ADGRA3: variants seen among roughly 807,000 people sequenced by gnomAD.
ADGRA3 encodes the protein G-protein coupled receptor 125.
ADGRA3 carries 56 observed loss-of-function variants against 119.8 expected under a neutral mutation model. The observed-to-expected ratio is 0.47, with a 90% CI of 0.38 to 0.58. ADGRA3 has a LOEUF of 0.58. Ranked by LOEUF, ADGRA3 falls within the 20% of genes least tolerant of loss-of-function variation. ADGRA3 has a pLI of 0.00. For missense variants in ADGRA3, 1,516 were observed against 1,649.0 expected, an observed-to-expected ratio of 0.92 and a Z score of 1.40; for synonymous variants, 607 against 623.8, an observed-to-expected ratio of 0.97 and a Z score of 0.40.
At position 22,420,941 on chromosome 4, in the gene ADGRA3, T is replaced by G. The variant is rs908940796; in HGVS notation, c.1754A>C (p.Lys585Thr). 4 of 1,614,150 alleles carry G rather than the reference T, an allele frequency of 2.5e-6. No homozygotes were observed. Among genetic ancestry groups the G allele is most frequent in the Non-Finnish European group, 3.4e-6 (4 of 1,179,992 alleles). ...GRRDPEGNLDKQLSFKCNVSN... is the reference protein window; with the variant it reads ...GRRDPEGNLDTQLSFKCNVSN... ...AACATTGCACTTAAAGCTCAGCTGCTTATCCAGGTTTCCCTCTGGATCCCG... is the reference window on the plus strand; with the variant it reads ...AACATTGCACTTAAAGCTCAGCTGCGTATCCAGGTTTCCCTCTGGATCCCG... Residue 585 changes from lysine (K) to threonine (T), a missense_variant, in exon 12 of 19, where the codon AAG (lysine) becomes ACG (threonine). This residue lies in a region of ADGRA3 where 1,088 missense variants were observed against 1,107.1 expected (regional missense o/e 0.98). Coordinates refer to ENST00000334304, the MANE Select transcript of ADGRA3 (RefSeq NM_145290.4).
At chr4:22,404,137 G>C (rs1264169135) in intron 14 of ADGRA3, among the ~76,000 whole-genome samples, 1 of 152,100 alleles carries the variant, frequency 6.6e-6, no homozygotes, top group Admixed American at 6.5e-5. Flanking sequence ...TTTCTGCACT[G>C]ACTCTTATAG....
intron 3 of ADGRA3, among the ~76,000 whole-genome samples, chr4:22,460,039 G>A (rs1006752257): frequency 6.6e-6 from 1 of 152,180 alleles, no homozygotes; most frequent in Non-Finnish European, 1.5e-5. Context: ...TGTCCCAAGA[G>A]ATACATTCTT....
intron 1 of ADGRA3, among the ~76,000 whole-genome samples, chr4:22,480,824 CAG>C (rs1183125012): frequency 6.6e-6 from 1 of 152,066 alleles, no homozygotes; most frequent in East Asian, 1.9e-4. Flanking sequence ...TTGTAGGACT[CAG>C]GGAGAGGAAG....
In ADGRA3 at chr4:22,413,794, A is replaced by G; in HGVS notation, c.1830T>C (p.Ser610=). The G allele has an allele frequency of 6.2e-7, 1 of 1,613,088 alleles. No individual in the cohort carries two copies. Among genetic ancestry groups the G allele is most frequent in the Non-Finnish European group, 8.5e-7 (1 of 1,179,410 alleles). Residue 610 remains serine, a synonymous_variant, in exon 13 of 19, where the codon TCT becomes TCC. Coordinates refer to ENST00000334304, the MANE Select transcript of ADGRA3 (RefSeq NM_145290.4). ...LALKNTIVEA[S]IQLPPSLFSP... ...AGAAAAGGGAAGGAGGAAGCTGAAT[A>G]GAAGCCTCCACAATAGTATTCTGAA... is the stretch of plus-strand genomic sequence containing the variant.
At position 22,421,052 on chromosome 4, in the gene ADGRA3, T is replaced by A. The variant is rs1368465165; in HGVS notation, c.1643A>T (p.Lys548Met). The change falls in exon 12 of 19, where the codon AAG becomes ATG. Residue 548 changes from lysine to methionine, a missense_variant. Coordinates refer to ENST00000334304, the MANE Select transcript of ADGRA3 (RefSeq NM_145290.4). ...PNIALEAYVI[K>M]STGFTGMTCT... ...GGTCATCCCCGTGAAGCCAGTAGAC[T>A]TGATGACATAAGCTTCCAGAGCAAT... 6.2e-7 allele frequency: 1 copy of A among 1,614,030 alleles called. No homozygotes were observed. Among genetic ancestry groups the A allele is most frequent in the Non-Finnish European group, 8.5e-7 (1 of 1,179,924 alleles).
chr4:22,506,966 A>G (rs553708322), intron 1 of ADGRA3, among the ~76,000 whole-genome samples: 294 of 152,258 alleles, frequency 1.9e-3, no homozygotes, highest in Non-Finnish European at 3.7e-3. Context: ...GGCCAGGTGC[A>G]GTGGCTCACA....
chr4:22,423,780 G>T (rs1244524288), intron 11 of ADGRA3, among the ~76,000 whole-genome samples: 1 of 152,130 alleles, frequency 6.6e-6, no homozygotes, highest in Non-Finnish European at 1.5e-5. Flanking sequence ...AGAGTATTAG[G>T]CTCAGATGGA....
intron 12 of ADGRA3, chr4:22,419,956 G>A (rs1715584876): frequency 6.6e-6 from 1 of 152,386 alleles, no homozygotes; most frequent in Non-Finnish European, 1.5e-5. Flanking sequence ...AGATTTTCTT[G>A]GGCAGTTGGG....
intron 1 of ADGRA3, among the ~76,000 whole-genome samples, chr4:22,504,492 T>C (rs1419373504): frequency 6.6e-6 from 1 of 152,146 alleles, no homozygotes; most frequent in African/African-American, 2.4e-5. Context: ...CCCTCTCATT[T>C]TATTCATTCA....
intron 1 of ADGRA3, among the ~76,000 whole-genome samples, chr4:22,505,529 C>T (rs1719205987): frequency 1.3e-5 from 2 of 151,870 alleles, no homozygotes; most frequent in South Asian, 4.2e-4. Flanking sequence ...CGCCTGTAAT[C>T]CCAGCTACTC....
chr4:22,427,916 T>A (rs1716006719), intron 10 of ADGRA3, among the ~76,000 whole-genome samples: 2 of 152,176 alleles, frequency 1.3e-5, no homozygotes, highest in African/African-American at 2.4e-5. Context: ...ACCGAAAGCA[T>A]GAGCAAATGG....
intron 7 of ADGRA3, among the ~76,000 whole-genome samples, chr4:22,441,609 A>T (rs1397133387): frequency 6.6e-6 from 1 of 152,198 alleles, no homozygotes; most frequent in Non-Finnish European, 1.5e-5. Context: ...TCTCCTCCAC[A>T]GCAAATCATT....
chr4:22,421,768 G>A (rs751126744), intron 11 of ADGRA3, among the ~76,000 whole-genome samples: 2 of 150,472 alleles, frequency 1.3e-5, no homozygotes, highest in African/African-American at 2.4e-5. Context: ...TAGTCCTAGC[G>A]ACTCAGGAGG....
chr4:22,398,923 G>A (rs913438232), intron 16 of ADGRA3, among the ~76,000 whole-genome samples: 3 of 152,126 alleles, frequency 2.0e-5, no homozygotes, highest in African/African-American at 7.2e-5. Flanking sequence ...GGGTTCCAGG[G>A]TACATGAACA....
At chr4:22,456,089 A>T (rs1220097471) in intron 3 of ADGRA3, among the ~76,000 whole-genome samples, 1 of 152,204 alleles carries the variant, frequency 6.6e-6, no homozygotes, top group Non-Finnish European at 1.5e-5. Context: ...ATTTCAAACT[A>T]AAAGTATTGG....
intron 1 of ADGRA3, among the ~76,000 whole-genome samples, chr4:22,513,173 T>C (rs1440962298): frequency 6.6e-6 from 1 of 150,430 alleles, no homozygotes; most frequent in Non-Finnish European, 1.5e-5. Context: ...GAGATGGAGT[T>C]TCATTCTTGT....
chr4:22,501,271 T>C (rs1028127579), intron 1 of ADGRA3, among the ~76,000 whole-genome samples: 7 of 152,154 alleles, frequency 4.6e-5, no homozygotes, highest in Admixed American at 3.3e-4. Context: ...AAGAAACAGG[T>C]CTATGAAATT....
At chr4:22,463,197 C>T (rs750534267) in intron 2 of ADGRA3, among the ~76,000 whole-genome samples, 5 of 152,206 alleles carry the variant, frequency 3.3e-5, no homozygotes, top group African/African-American at 7.2e-5. Flanking sequence ...TATACAGCCA[C>T]GTGTAAGCTT....
intron 1 of ADGRA3, among the ~76,000 whole-genome samples, chr4:22,510,154 C>A (rs1415802135): frequency 6.6e-6 from 1 of 152,234 alleles, no homozygotes; most frequent in East Asian, 1.9e-4. Context: ...CTATCTGGTG[C>A]ACTGACTACA....
Sources: gnomAD v4.1 joint callset for allele counts (sites outside exome capture counted in the v4.1 genomes callset) on GRCh38, gnomAD v4.1.1 for gene constraint, gnomAD v4.1.1 regional missense constraint, MANE v1.5 for transcripts, NCBI Gene and HGNC (gene_info 2026-07-23, HGNC 2026-07-21) for gene names.